The following DIS3 variants were observed in gnomAD, a reference collection of about 807,000 sequenced individuals.
DIS3 encodes exosome complex exonuclease RRP44.
A neutral mutation model predicts 113.0 loss-of-function variants in DIS3; 103 were observed. The ratio of observed to expected loss-of-function variants is 0.91; its 90% confidence interval spans 0.78 to 1.07. The LOEUF is 1.07. Among genes scored for constraint, DIS3 ranks in the 50% least tolerant of loss-of-function variants. The pLI is 0.00. For synonymous variants in DIS3, 402 were observed against 394.3 expected (o/e 1.02, Z -0.23); for missense variants, 1,121 against 1,167.1 (o/e 0.96, Z 0.58).
At chr13:72,763,971 GA>G (rs1297192218) in intron 15 of DIS3, among the ~76,000 whole-genome samples, 1 of 151,956 alleles carries the variant, frequency 6.6e-6, no homozygotes, top group East Asian at 1.9e-4. Flanking sequence ...CCAACATGAC[GA>G]AACCCTGACT....
Position 72,768,908 on chromosome 13 carries a change from G to A in DIS3, c.1760C>T (p.Ser587Phe), listed in dbSNP as rs144957541. The change falls in exon 14 of 21, where the codon TCT (serine) becomes TTT (phenylalanine). Residue 587 changes from serine to phenylalanine, a missense_variant. By Grantham distance (155) the Ser-to-Phe change is radical (BLOSUM62 -2). Coordinates refer to ENST00000377767, the MANE Select transcript of DIS3 (RefSeq NM_014953.5). ...CAACTGAGCTTCAGCATACGTCAGA[G>A]ATGCCTAAAAAAGAAAATGTATGTT... ...FTKSVINSKA[S>F]LTYAEAQLRI... is the part of the protein sequence containing the mutation. 3.1e-4 allele frequency: 484 copies of A among 1,576,478 alleles called. 4 individuals are homozygous for A. The East Asian group carries it at 5.4e-3, about 17-fold the overall frequency.
intron 8 of DIS3, 62 bp downstream of exon 8, chr13:72,773,622 G>T (rs1029104532): frequency 5.9e-6 from 9 of 1,526,980 alleles, no homozygotes; most frequent in African/African-American, 1.4e-5. Flanking sequence ...ATTAAAAGCA[G>T]AAATACTATT....
chr13:72,771,012 T>C (rs2033873527), intron 12 of DIS3, 24 bp from the exon 13 acceptor site: 1 of 1,608,492 alleles, frequency 6.2e-7, no homozygotes, highest in African/African-American at 1.3e-5. Flanking sequence ...TACAGAGTAT[T>C]TGTTAATGGG....
chr13:72,775,454 T>C, intron 5 of DIS3, 79 bp from the exon 6 acceptor site: 1 of 1,418,468 alleles, frequency 7.0e-7, no homozygotes, highest in Non-Finnish European at 9.4e-7. Context: ...CTAACAGATA[T>C]TTACATACAC....
intron 3 of DIS3, among the ~76,000 whole-genome samples, chr13:72,777,816 G>A (rs2034054590): frequency 6.6e-6 from 1 of 151,396 alleles, no homozygotes; most frequent in African/African-American, 2.4e-5. Flanking sequence ...TGAACTCCTG[G>A]TCTCAAGCAA....
intron 13 of DIS3, among the ~76,000 whole-genome samples, chr13:72,769,314 A>G (rs1269546750): frequency 6.6e-6 from 1 of 152,164 alleles, no homozygotes; most frequent in Admixed American, 6.5e-5. Flanking sequence ...AATAATTAAG[A>G]CTGCAGGAGT....
intron 4 of DIS3, among the ~76,000 whole-genome samples, chr13:72,776,544 T>C (rs1471261442): frequency 6.6e-6 from 1 of 152,216 alleles, no homozygotes; most frequent in African/African-American, 2.4e-5. Context: ...ACTGGATTTA[T>C]GTATAATGTC....
At chr13:72,773,196 G>A (rs944154906) in intron 8 of DIS3, among the ~76,000 whole-genome samples, 6 of 152,212 alleles carry the variant, frequency 3.9e-5, no homozygotes, top group Non-Finnish European at 5.9e-5. Context: ...AAAGAGGCCA[G>A]GCACATTGGC....
intron 2 of DIS3, among the ~76,000 whole-genome samples, chr13:72,779,784 G>A (rs898497691): frequency 6.6e-6 from 1 of 151,708 alleles, no homozygotes; most frequent in Admixed American, 6.6e-5. Context: ...GGGGGTAAGG[G>A]GTGGTGATCC....
intron 8 of DIS3, 28 bp downstream of exon 8, chr13:72,773,656 C>T (rs1328799534): frequency 1.3e-6 from 2 of 1,583,328 alleles, no homozygotes; most frequent in East Asian, 2.3e-5. Flanking sequence ...TTAAACATCC[C>T]CACATAAAAT....
intron 15 of DIS3, among the ~76,000 whole-genome samples, chr13:72,765,649 A>G (rs1348930355): frequency 6.6e-6 from 1 of 152,182 alleles, no homozygotes; most frequent in Non-Finnish European, 1.5e-5. Flanking sequence ...GAACCCCTGC[A>G]CTACAGTATA....
In DIS3 at chr13:72,759,898, G is replaced by T. The variant is rs773144185; in HGVS notation, c.2794-20C>A. On this transcript the variant is annotated intron_variant, in intron 20 of 20. Coordinates refer to ENST00000377767, the MANE Select transcript of DIS3 (RefSeq NM_014953.5). Reference sequence around the variant, plus strand: ...TGGTATCTAAAGTAATGCAAATGGGGGGAAATAAGGTGATTTAAAGGATAG... The same window carrying T: ...TGGTATCTAAAGTAATGCAAATGGGTGGAAATAAGGTGATTTAAAGGATAG... 1 of 1,575,962 alleles carries T rather than the reference G, an allele frequency of 6.3e-7. No homozygotes were observed. The highest frequency in any genetic ancestry group is 8.7e-7 in the Non-Finnish European group (1 of 1,147,618).
chr13:72,765,944 T>C (rs746871162), intron 15 of DIS3, 28 bp downstream of exon 15: 6 of 1,529,526 alleles, frequency 3.9e-6, no homozygotes, highest in Middle Eastern at 1.7e-4. Context: ...AAAAATCTTA[T>C]CTAATGCCCA....
intron 13 of DIS3, among the ~76,000 whole-genome samples, chr13:72,770,624 T>G (rs1223975309): frequency 6.6e-6 from 1 of 152,188 alleles, no homozygotes; most frequent in Non-Finnish European, 1.5e-5. Context: ...TGAGTTTTAG[T>G]GTAAATTTAA....
At chr13:72,771,733 A>G in intron 11 of DIS3, 62 bp downstream of exon 11, 1 of 1,500,976 alleles carries the variant, frequency 6.7e-7, no homozygotes, top group Non-Finnish European at 9.1e-7. Context: ...TAGCTAATTC[A>G]TGGCCGTTTA....
intron 6 of DIS3, 27 bp from the exon 7 acceptor site, chr13:72,774,086 G>A (rs2033951769): frequency 6.8e-7 from 1 of 1,478,390 alleles, no homozygotes; most frequent in African/African-American, 1.4e-5. Flanking sequence ...AAAATGTTCA[G>A]TTATATTCCT....
At chr13:72,777,615 T>C in intron 3 of DIS3, 122 bp from the exon 4 acceptor site, 2 of 797,150 alleles carry the variant, frequency 2.5e-6, no homozygotes, top group South Asian at 3.2e-5. Context: ...ACACTGAGAG[T>C]CTCACTCTGT....
intron 4 of DIS3, among the ~76,000 whole-genome samples, chr13:72,776,382 T>C (rs2034019569): frequency 6.6e-6 from 1 of 152,146 alleles, no homozygotes; most frequent in Non-Finnish European, 1.5e-5. Flanking sequence ...TTAATACATA[T>C]TAAATTTAAA....
chr13:72,765,693 T>C lies in DIS3; in HGVS notation c.1970+279A>G, dbSNP rs899753920. 7.9e-5 allele frequency among the ~76,000 whole-genome samples: 12 copies of C among 152,184 alleles called. No individual in the cohort carries two copies. In the South Asian group the frequency reaches 1.9e-3, roughly 24 times the overall value. On this transcript the variant is annotated intron_variant, in intron 15 of 20. Coordinates refer to ENST00000377767, the MANE Select transcript of DIS3 (RefSeq NM_014953.5). Reference sequence around the variant, plus strand: ...TAGAAATTAATTGGGGTAATTTTTTTTATCTTACTCTAACTATTACTAGTC... The same window carrying C: ...TAGAAATTAATTGGGGTAATTTTTTCTATCTTACTCTAACTATTACTAGTC...
Sources: gnomAD v4.1 joint callset for allele counts (sites outside exome capture counted in the v4.1 genomes callset) on GRCh38, gnomAD v4.1.1 for gene constraint, MANE v1.5 for transcripts, NCBI Gene and HGNC (gene_info 2026-07-23, HGNC 2026-07-21) for gene names.